The following EIF4G3 variants were observed in gnomAD, a reference collection of about 807,000 sequenced individuals.
The protein encoded by EIF4G3 is eIF-4-gamma 3.
In EIF4G3, 34 loss-of-function variants were observed where a neutral mutation model predicts 186.4. That is an observed-to-expected ratio of 0.18 (90% CI 0.14 to 0.24). The LOEUF is 0.24. Ranked by LOEUF, EIF4G3 falls within the 10% of genes least tolerant of loss-of-function variation. The pLI is 1.00. For synonymous variants in EIF4G3, 673 were observed against 679.5 expected (o/e 0.99, Z 0.15); for missense variants, 1,536 against 1,948.5 (o/e 0.79, Z 3.99).
At chr1:21,116,541 A>T (rs937077305) in intron 2 of EIF4G3, among the ~76,000 whole-genome samples, 4 of 152,220 alleles carry the variant, frequency 2.6e-5, no homozygotes, top group Admixed American at 1.3e-4. Context: ...ATCTCGTTTA[A>T]AATATCAAAA....
At chr1:21,148,317 TA>T (rs1387007720) in intron 2 of EIF4G3, among the ~76,000 whole-genome samples, 6 of 152,142 alleles carry the variant, frequency 3.9e-5, no homozygotes, top group Non-Finnish European at 8.8e-5. Flanking sequence ...ACAATCTGCC[TA>T]CCTTGGCCTC....
intron 20 of EIF4G3, among the ~76,000 whole-genome samples, chr1:20,867,557 T>C (rs1336720809): frequency 6.6e-6 from 1 of 152,172 alleles, no homozygotes; most frequent in African/African-American, 2.4e-5. Flanking sequence ...GGAGGTGTTA[T>C]TGGGAGGATC....
chr1:20,923,821 A>G (rs2094665613), intron 14 of EIF4G3, among the ~76,000 whole-genome samples: 1 of 150,540 alleles, frequency 6.6e-6, no homozygotes, highest in South Asian at 2.1e-4. Context: ...ATATATATAT[A>G]TATATATATA....
At chr1:21,028,266 G>C (rs985183009) in intron 4 of EIF4G3, among the ~76,000 whole-genome samples, 1 of 152,078 alleles carries the variant, frequency 6.6e-6, no homozygotes, top group Admixed American at 6.5e-5. Flanking sequence ...TTAAAAATGG[G>C]GTTAAGATTT....
intron 2 of EIF4G3, among the ~76,000 whole-genome samples, chr1:21,128,515 CAA>C (rs928681115): frequency 6.8e-6 from 1 of 146,000 alleles, no homozygotes; most frequent in African/African-American, 2.5e-5. Flanking sequence ...ATCTCAAAAA[CAA>C]AAAAAAAAGT....
At chr1:20,943,687 CT>C (rs755266688) in intron 13 of EIF4G3, among the ~76,000 whole-genome samples, 180 of 152,292 alleles carry the variant, frequency 1.2e-3, no homozygotes, top group Non-Finnish European at 2.2e-3. Flanking sequence ...GAAAGTGAGT[CT>C]TTACAATAAA....
intron 2 of EIF4G3, among the ~76,000 whole-genome samples, chr1:21,108,039 T>C (rs2096647347): frequency 6.6e-6 from 1 of 152,160 alleles, no homozygotes; most frequent in Non-Finnish European, 1.5e-5. Context: ...TCCCAGCTAC[T>C]TAGGAGATTG....
At chr1:21,090,361 A>C (rs2096146930) in intron 2 of EIF4G3, among the ~76,000 whole-genome samples, 1 of 152,254 alleles carries the variant, frequency 6.6e-6, no homozygotes, top group Non-Finnish European at 1.5e-5. Flanking sequence ...ACAAATGCCA[A>C]CTAGGCAAAT....
At chr1:20,893,732 G>A (rs1197935504) in intron 17 of EIF4G3, 96 bp from the exon 18 acceptor site, 6 of 1,356,356 alleles carry the variant, frequency 4.4e-6, no homozygotes, top group African/African-American at 1.5e-5. Flanking sequence ...TACATCAGCT[G>A]AAACGGTAAG....
intron 4 of EIF4G3, among the ~76,000 whole-genome samples, chr1:21,037,171 A>C (rs891836443): frequency 5.3e-5 from 8 of 151,788 alleles, no homozygotes; most frequent in Non-Finnish European, 1.0e-4. Context: ...GCTCTTTTTA[A>C]GTTAAGCTTG....
intron 16 of EIF4G3, 60 bp from the exon 17 acceptor site, chr1:20,895,561 C>A: frequency 6.5e-7 from 1 of 1,542,020 alleles, no homozygotes; most frequent in African/African-American, 1.4e-5. Flanking sequence ...TCATGCATTG[C>A]ATAACGATGT....
chr1:21,018,143 G>GC (rs575223583), intron 4 of EIF4G3, among the ~76,000 whole-genome samples: 31 of 151,990 alleles, frequency 2.0e-4, no homozygotes, highest in African/African-American at 7.2e-4. Flanking sequence ...ACACATTCTT[G>GC]CTATGTCACC....
intron 4 of EIF4G3, among the ~76,000 whole-genome samples, chr1:21,027,366 C>T (rs1446305233): frequency 2.0e-5 from 3 of 151,514 alleles, no homozygotes; most frequent in African/African-American, 4.8e-5. Context: ...CACAGTGGCT[C>T]GTGCCTGTAA....
chr1:21,011,756 A>G (rs2087177320), intron 4 of EIF4G3, among the ~76,000 whole-genome samples: 1 of 152,214 alleles, frequency 6.6e-6, no homozygotes, highest in African/African-American at 2.4e-5. Context: ...AGAATGTTAT[A>G]TAAATAAAAC....
chr1:20,917,462 G>A (rs917160693), intron 14 of EIF4G3, among the ~76,000 whole-genome samples: 3 of 152,200 alleles, frequency 2.0e-5, no homozygotes, highest in Non-Finnish European at 2.9e-5. Context: ...GGCTGTGATC[G>A]TGCCACTGCA....
chr1:20,816,521 C>T (rs1303503907), intron 34 of EIF4G3, among the ~76,000 whole-genome samples: 1 of 76,836 alleles, frequency 1.3e-5, no homozygotes, highest in Non-Finnish European at 2.7e-5. Flanking sequence ...CCCGGCCAGC[C>T]GCCCTATCCA....
At chr1:20,840,104 A>G (rs1257831232) in intron 30 of EIF4G3, among the ~76,000 whole-genome samples, 1 of 152,132 alleles carries the variant, frequency 6.6e-6, no homozygotes, top group Non-Finnish European at 1.5e-5. Context: ...TTTATATTTG[A>G]TACAACATGG....
chr1:21,129,678 A>G (rs1214122723), intron 2 of EIF4G3, among the ~76,000 whole-genome samples: 1 of 152,130 alleles, frequency 6.6e-6, no homozygotes. Flanking sequence ...CTCCCCCAGG[A>G]CATTTCCAAA....
intron 12 of EIF4G3, among the ~76,000 whole-genome samples, chr1:20,963,083 G>A (rs2073791614): frequency 6.6e-6 from 1 of 151,734 alleles, no homozygotes; most frequent in South Asian, 2.1e-4. Flanking sequence ...ACTTCTCTCT[G>A]TATGGTCTGT....
Sources: gnomAD v4.1 joint callset for allele counts (sites outside exome capture counted in the v4.1 genomes callset) on GRCh38, gnomAD v4.1.1 for gene constraint, MANE v1.5 for transcripts, NCBI Gene and HGNC (gene_info 2026-07-23, HGNC 2026-07-21) for gene names.